STUM: variants seen among roughly 807,000 people sequenced by gnomAD.
STUM encodes the protein protein stum homolog.
STUM carries 8 observed loss-of-function variants against 15.3 expected under a neutral mutation model. The observed-to-expected ratio is 0.52, with a 90% CI of 0.31 to 0.94. The LOEUF is 0.94. Among genes scored for constraint, STUM ranks in the 40% least tolerant of loss-of-function variants. STUM has a pLI of 0.05. For synonymous variants in STUM, 78 were observed against 88.7 expected, an observed-to-expected ratio of 0.88 and a Z score of 0.68; for missense variants, 142 against 204.9, an observed-to-expected ratio of 0.69 and a Z score of 1.87.
chr1:226,553,078 C>A (rs968971034), intron 1 of STUM, among the ~76,000 whole-genome samples: 2 of 152,064 alleles, frequency 1.3e-5, no homozygotes, highest in African/African-American at 4.8e-5. Context: ...GAAGGAAGTT[C>A]CTGAAGATGT....
In STUM at chr1:226,609,065, C is replaced by CACA. The variant is rs1443996170; in HGVS notation, c.*7026_*7028dup. 1.3e-5 allele frequency: 2 copies of CACA among 152,348 alleles called. No homozygotes were observed. Among genetic ancestry groups the CACA allele is most frequent in the African/African-American group, 4.8e-5 (2 of 41,570 alleles). 9.4% of individuals were successfully genotyped at this position (152,348 alleles called of 1,614,324 possible). On this transcript the variant is annotated 3_prime_UTR_variant, in exon 4 of 4. Transcript: ENST00000366788. ...ATTTCCATGTACATATTTATACATA[C>CACA]ACACACCTTCCTATTATAAATATAT...
intron 1 of STUM, among the ~76,000 whole-genome samples, chr1:226,586,030 C>T (rs900555199): frequency 6.6e-6 from 1 of 151,964 alleles, no homozygotes; most frequent in Non-Finnish European, 1.5e-5. Context: ...GCATCAATTC[C>T]ATCATGGAGA....
intron 1 of STUM, among the ~76,000 whole-genome samples, chr1:226,581,156 C>T (rs991536774): frequency 1.3e-5 from 2 of 152,204 alleles, no homozygotes; most frequent in Admixed American, 6.5e-5. Context: ...GTATCACTTT[C>T]GCTCATAGCT....
At chr1:226,594,552 C>T (rs1170657945) in intron 1 of STUM, among the ~76,000 whole-genome samples, 1 of 152,180 alleles carries the variant, frequency 6.6e-6, no homozygotes, top group African/African-American at 2.4e-5. Flanking sequence ...CTGGTGGGTT[C>T]AATGCTCACC....
intron 1 of STUM, among the ~76,000 whole-genome samples, chr1:226,594,920 T>G (rs1668153979): frequency 6.6e-6 from 1 of 152,152 alleles, no homozygotes; most frequent in Non-Finnish European, 1.5e-5. Flanking sequence ...CCTCCCAAAG[T>G]GCTGGGATTA....
chr1:226,574,483 C>G (rs2126331), intron 1 of STUM, among the ~76,000 whole-genome samples: 5,607 of 152,230 alleles, frequency 0.037, 316 homozygotes, highest in African/African-American at 0.12. Flanking sequence ...TGTCGTTGGC[C>G]CGGCTTGAGT....
At position 226,602,392 on chromosome 1, in the gene STUM, G is replaced by A. The variant is rs781158263; in HGVS notation, c.*352G>A. 8.5e-5 allele frequency: 25 copies of A among 294,640 alleles called. No individual in the cohort carries two copies. The highest frequency in any genetic ancestry group is 1.4e-4 in the Non-Finnish European group (21 of 153,526). The allele number at this position is 294,640 out of a possible 1,614,324, so 18.3% of individuals were successfully genotyped here. On this transcript the variant is annotated 3_prime_UTR_variant, in exon 4 of 4. Transcript: ENST00000366788. ...AAAGGCACGCCACGTCTGCTGGGCC[G>A]GGCCACACCGGGCCCTGTCTGGGTG...
At chr1:226,551,413 CT>C (rs1391145165) in intron 1 of STUM, among the ~76,000 whole-genome samples, 1 of 152,184 alleles carries the variant, frequency 6.6e-6, no homozygotes, top group African/African-American at 2.4e-5. Context: ...CTTTTGATCC[CT>C]CTGCTCCCCT....
At chr1:226,564,839 C>T (rs544392815) in intron 1 of STUM, among the ~76,000 whole-genome samples, 313 of 152,292 alleles carry the variant, frequency 2.1e-3, no homozygotes, top group Non-Finnish European at 2.7e-3. Context: ...GGAGCCTCAG[C>T]GCTTAGCCTG....
At chr1:226,585,156 TAAC>T (rs1406246895) in intron 1 of STUM, among the ~76,000 whole-genome samples, 1 of 152,216 alleles carries the variant, frequency 6.6e-6, no homozygotes, top group Non-Finnish European at 1.5e-5. Context: ...ATGGTGAACT[TAAC>T]AATGATAATA....
At chr1:226,558,766 T>C (rs916844760) in intron 1 of STUM, among the ~76,000 whole-genome samples, 4 of 152,228 alleles carry the variant, frequency 2.6e-5, no homozygotes, top group African/African-American at 7.2e-5. Flanking sequence ...AATTAGAGCA[T>C]CGTTAATTTC....
chr1:226,583,301 C>T (rs747926324), intron 1 of STUM, among the ~76,000 whole-genome samples: 75 of 152,268 alleles, frequency 4.9e-4, no homozygotes, highest in Non-Finnish European at 4.4e-4. Flanking sequence ...AATCTGCTGC[C>T]GTTGGTTAAT....
chr1:226,566,193 T>C (rs944557471), intron 1 of STUM, among the ~76,000 whole-genome samples: 1 of 152,230 alleles, frequency 6.6e-6, no homozygotes, highest in Non-Finnish European at 1.5e-5. Flanking sequence ...CCCCCAATGA[T>C]TTCTTGTTAT....
rs559679943 is a variant in STUM, at chr1:226,575,887, C to T, written c.203-20915C>T. On this transcript the variant is annotated intron_variant, in intron 1 of 3. Transcript: ENST00000366788. ...CTGGTGACTTTCTCCCCAGAGCCTG[C>T]GTTGGCATCAGGCCAAGGGCTGAGT... Among the ~76,000 whole-genome samples, 5 of 152,338 alleles carry T rather than the reference C, an allele frequency of 3.3e-5. No homozygotes were observed. The East Asian group carries it at 5.8e-4, about 18-fold the overall frequency.
intron 1 of STUM, among the ~76,000 whole-genome samples, chr1:226,586,086 T>G (rs537617255): frequency 6.6e-6 from 1 of 152,234 alleles, no homozygotes; most frequent in South Asian, 2.1e-4. Flanking sequence ...TGGAATGCAG[T>G]CTTCAGGCCT....
intron 1 of STUM, among the ~76,000 whole-genome samples, chr1:226,583,801 C>T (rs998677117): frequency 1.9e-4 from 29 of 152,226 alleles, no homozygotes; most frequent in Middle Eastern, 3.4e-3. Flanking sequence ...GGCTCTGGGA[C>T]GGGGGATGGG....
intron 1 of STUM, among the ~76,000 whole-genome samples, chr1:226,586,834 C>T (rs1340462057): frequency 1.3e-5 from 2 of 152,174 alleles, no homozygotes; most frequent in African/African-American, 4.8e-5. Context: ...TAACACCGAC[C>T]TGCTGGAAGG....
At chr1:226,566,949 G>T (rs189621275) in intron 1 of STUM, among the ~76,000 whole-genome samples, 1 of 152,202 alleles carries the variant, frequency 6.6e-6, no homozygotes, top group East Asian at 1.9e-4. Flanking sequence ...TGCAGTGTTG[G>T]GGGGAAGGTA....
chr1:226,557,178 C>T (rs922386855), intron 1 of STUM, among the ~76,000 whole-genome samples: 1 of 152,210 alleles, frequency 6.6e-6, no homozygotes, highest in African/African-American at 2.4e-5. Context: ...CGACTCTGTT[C>T]TTCTATGACT....
Sources: gnomAD v4.1 joint callset for allele counts (sites outside exome capture counted in the v4.1 genomes callset) on GRCh38, gnomAD v4.1.1 for gene constraint, MANE v1.5 for transcripts, NCBI Gene and HGNC (gene_info 2026-07-23, HGNC 2026-07-21) for gene names.